The following GSK3B variants were observed in gnomAD, a reference collection of about 807,000 sequenced individuals.
The protein encoded by GSK3B is glycogen synthase kinase-3 beta.
A neutral mutation model predicts 56.4 loss-of-function variants in GSK3B; 15 were observed. The observed-to-expected ratio is 0.27, with a 90% CI of 0.18 to 0.41. The LOEUF (loss-of-function observed/expected upper bound fraction) is 0.41, where lower values mean the gene tolerates loss of function less well. Among genes scored for constraint, GSK3B ranks in the 10% least tolerant of loss-of-function variants. The pLI, the probability that GSK3B is intolerant of heterozygous loss-of-function variation, is 1.00. For missense variants in GSK3B, 300 were observed against 513.4 expected (o/e 0.58, Z 4.02); for synonymous variants, 181 against 188.9 (o/e 0.96, Z 0.34).
At chr3:120,017,790 G>T (rs1304493307) in intron 1 of GSK3B, among the ~76,000 whole-genome samples, 2 of 152,128 alleles carry the variant, frequency 1.3e-5, no homozygotes, top group African/African-American at 2.4e-5. Context: ...CACACTGGGG[G>T]CGTCCCATTT....
At chr3:119,946,787 T>C (rs2057104391) in intron 3 of GSK3B, among the ~76,000 whole-genome samples, 1 of 152,162 alleles carries the variant, frequency 6.6e-6, no homozygotes, top group South Asian at 2.1e-4. Context: ...TCTGCAATAT[T>C]ACATCTTTTC....
intron 9 of GSK3B, among the ~76,000 whole-genome samples, chr3:119,859,182 T>TA (rs1201815721): frequency 0.051 from 3,749 of 73,982 alleles, 164 homozygotes; most frequent in African/African-American, 0.14. Flanking sequence ...TATTTGTGTA[T>TA]ATAAAAAAAA....
rs192359735 is a variant in GSK3B, at chr3:119,987,468, A to C, written c.282+14578T>G. ...ATGTGGATTTTTACCTACATTAAAA[A>C]GTTAAAAAATTGTTTTGAAGGTTTA... is the stretch of plus-strand genomic sequence containing the variant. On this transcript the variant is annotated intron_variant, in intron 2 of 10. Transcript: ENST00000264235. Among the ~76,000 whole-genome samples, 133 of 152,320 alleles carry C rather than the reference A, an allele frequency of 8.7e-4. 1 individual carries two copies. The Middle Eastern group carries it at 0.01, about 12-fold the overall frequency.
At position 119,916,192 on chromosome 3, in the gene GSK3B, A is replaced by C; in HGVS notation, c.478-18T>G. The C allele has an allele frequency of 6.4e-7, 1 of 1,569,482 alleles. No individual in the cohort carries two copies. The highest frequency in any genetic ancestry group is 8.8e-7 in the Non-Finnish European group (1 of 1,140,978). Reference sequence around the variant, plus strand: ...ATATACAACTGGAATAGATAGTAGAAATTAATTAAATACTTCCTATTCTAA... The same window carrying C: ...ATATACAACTGGAATAGATAGTAGACATTAATTAAATACTTCCTATTCTAA... On this transcript the variant is annotated intron_variant, in intron 4 of 10. Transcript: ENST00000264235.
intron 3 of GSK3B, among the ~76,000 whole-genome samples, chr3:119,936,331 A>T (rs1222894373): frequency 1.4e-5 from 2 of 138,300 alleles, no homozygotes; most frequent in African/African-American, 5.8e-5. Flanking sequence ...ATAAATATAT[A>T]TAAAAAATAT....
At chr3:119,961,999 T>C (rs2057277013) in intron 2 of GSK3B, among the ~76,000 whole-genome samples, 1 of 152,228 alleles carries the variant, frequency 6.6e-6, no homozygotes. Context: ...ATTAAATGTA[T>C]TTTTGACTTA....
chr3:120,025,168 G>A (rs538443448), intron 1 of GSK3B, among the ~76,000 whole-genome samples: 2 of 152,114 alleles, frequency 1.3e-5, no homozygotes, highest in African/African-American at 4.8e-5. Flanking sequence ...AGACCAGCCT[G>A]GCCATCTCTA....
chr3:119,885,261 A>G (rs1372700862), intron 7 of GSK3B, among the ~76,000 whole-genome samples: 1 of 149,862 alleles, frequency 6.7e-6, no homozygotes, highest in Non-Finnish European at 1.5e-5. Flanking sequence ...ATAAAATAAA[A>G]TAAAATAAAA....
At chr3:119,834,676 A>C (rs2055662504) in intron 10 of GSK3B, among the ~76,000 whole-genome samples, 1 of 152,224 alleles carries the variant, frequency 6.6e-6, no homozygotes, top group South Asian at 2.1e-4. Flanking sequence ...TTAGGAATAA[A>C]GAAAAAAAAG....
At chr3:119,966,802 C>T (rs1679824740) in intron 2 of GSK3B, among the ~76,000 whole-genome samples, 1 of 151,998 alleles carries the variant, frequency 6.6e-6, no homozygotes, top group African/African-American at 2.4e-5. Flanking sequence ...TTTAACATTA[C>T]ATACTGAAAA....
At chr3:119,853,962 T>C (rs571586748) in intron 9 of GSK3B, among the ~76,000 whole-genome samples, 11 of 152,228 alleles carry the variant, frequency 7.2e-5, no homozygotes, top group Non-Finnish European at 1.5e-4. Flanking sequence ...CTATGTTGAA[T>C]AGGACTGGTG....
intron 8 of GSK3B, among the ~76,000 whole-genome samples, chr3:119,872,939 A>G (rs1293291450): frequency 6.6e-6 from 1 of 151,984 alleles, no homozygotes. Flanking sequence ...CTTCCAACCA[A>G]TCTCTGTCTC....
intron 1 of GSK3B, among the ~76,000 whole-genome samples, chr3:120,022,325 T>C (rs1172407183): frequency 6.6e-6 from 1 of 152,244 alleles, no homozygotes; most frequent in African/African-American, 2.4e-5. Flanking sequence ...CTTTATAAAC[T>C]ACAGTATAGT....
intron 2 of GSK3B, among the ~76,000 whole-genome samples, chr3:119,948,929 T>G (rs57132942): frequency 0.015 from 2,291 of 152,294 alleles, 55 homozygotes; most frequent in African/African-American, 0.051. Context: ...CTCGAACTCC[T>G]GACCTCAGAC....
At chr3:119,831,304 A>G (rs181732165) in intron 10 of GSK3B, among the ~76,000 whole-genome samples, 4 of 152,332 alleles carry the variant, frequency 2.6e-5, no homozygotes, top group Admixed American at 1.3e-4. Flanking sequence ...ACTAACCTCA[A>G]TAAAATCACT....
At chr3:119,880,978 T>C (rs1420576278) in intron 7 of GSK3B, among the ~76,000 whole-genome samples, 1 of 152,230 alleles carries the variant, frequency 6.6e-6, no homozygotes, top group East Asian at 1.9e-4. Flanking sequence ...TACTGATTTC[T>C]ATTTCAAGCT....
At chr3:119,948,017 C>A (rs2057117212) in intron 2 of GSK3B, among the ~76,000 whole-genome samples, 1 of 152,106 alleles carries the variant, frequency 6.6e-6, no homozygotes, top group East Asian at 1.9e-4. Context: ...ATGATGATTT[C>A]TTAATACCAC....
chr3:119,875,498 GACACACACACACACACACAC>G lies in GSK3B; in HGVS notation c.909+895_909+914del, dbSNP rs66880409. 1.6e-3 allele frequency among the ~76,000 whole-genome samples: 231 copies of G among 144,746 alleles called. 1 individual carries two copies. The highest frequency in any genetic ancestry group is 4.9e-3 in the East Asian group (24 of 4,904). The allele number at this position is 144,746 out of a possible 152,430, so 95.0% of individuals were successfully genotyped here. ...ATAAAGTCGATCATTGGTAACCCGTGACACACACACACACACACACACACACACACACACACACACACACA... is the reference window on the plus strand; with the variant it reads ...ATAAAGTCGATCATTGGTAACCCGTGACACACACACACACACACACACACA... On this transcript the variant is annotated intron_variant, in intron 8 of 10. Transcript: ENST00000264235.
At chr3:119,847,924 G>A (rs186480493) in intron 9 of GSK3B, among the ~76,000 whole-genome samples, 1 of 152,272 alleles carries the variant, frequency 6.6e-6, no homozygotes, top group Admixed American at 6.5e-5. Context: ...CTGTTTATGA[G>A]CCAATGGCAG....
Sources: allele counts gnomAD v4.1 joint callset (sites outside exome capture counted in the v4.1 genomes callset), GRCh38; gene constraint gnomAD v4.1.1; transcripts MANE v1.5; gene names NCBI Gene and HGNC (gene_info 2026-07-23, HGNC 2026-07-21).